The following SLC44A5 variants were observed in gnomAD, a reference collection of about 807,000 sequenced individuals.
SLC44A5 encodes choline transporter-like protein 5.
SLC44A5 carries 57 observed loss-of-function variants against 101.8 expected under a neutral mutation model. That is an observed-to-expected ratio of 0.56 (90% CI 0.45 to 0.70). The LOEUF (loss-of-function observed/expected upper bound fraction) is 0.70, where lower values mean the gene tolerates loss of function less well. Ranked by LOEUF, SLC44A5 falls within the 30% of genes least tolerant of loss-of-function variation. The pLI is 0.00. For missense variants in SLC44A5, 737 were observed against 853.1 expected (o/e 0.86, Z 1.70); for synonymous variants, 281 against 290.9 (o/e 0.97, Z 0.35).
At chr1:75,456,337 T>C (rs115525322) in intron 2 of SLC44A5, among the ~76,000 whole-genome samples, 7 of 152,100 alleles carry the variant, frequency 4.6e-5, no homozygotes, top group South Asian at 4.1e-4. Flanking sequence ...ACAGTCAACA[T>C]TGGGTACTAC....
At chr1:75,577,224 C>T (rs903498598) in intron 1 of SLC44A5, among the ~76,000 whole-genome samples, 1 of 152,230 alleles carries the variant, frequency 6.6e-6, no homozygotes, top group African/African-American at 2.4e-5. Context: ...TCTTCTAACT[C>T]TTGCCCCCAC....
At chr1:75,490,034 A>T (rs1464304002) in intron 2 of SLC44A5, among the ~76,000 whole-genome samples, 1 of 141,384 alleles carries the variant, frequency 7.1e-6, no homozygotes, top group African/African-American at 3.0e-5. Context: ...TGAAGATGTT[A>T]AATTGTAAAA....
chr1:75,543,275 G>A (rs1671451918), intron 1 of SLC44A5, among the ~76,000 whole-genome samples: 1 of 151,944 alleles, frequency 6.6e-6, no homozygotes, highest in Non-Finnish European at 1.5e-5. Context: ...AAAGTCCCAA[G>A]GCACCCCTAG....
chr1:75,319,078 A>C (rs1389549020), intron 4 of SLC44A5, among the ~76,000 whole-genome samples: 1 of 152,184 alleles, frequency 6.6e-6, no homozygotes, highest in Non-Finnish European at 1.5e-5. Flanking sequence ...CCCAATAAAA[A>C]TCTAGCTATG....
chr1:75,616,259 C>T, the SLC44A5 span, among the ~76,000 whole-genome samples: 1 of 152,084 alleles, frequency 6.6e-6, no homozygotes, highest in Non-Finnish European at 1.5e-5. Context: ...GCCCCCACCC[C>T]CGGTGTCCCG....
chr1:75,252,128 A>G (rs1257463669), intron 6 of SLC44A5, among the ~76,000 whole-genome samples: 3 of 152,150 alleles, frequency 2.0e-5, no homozygotes, highest in Admixed American at 1.3e-4. Flanking sequence ...TGAGAGTCCA[A>G]ATGTCTAGAT....
intron 4 of SLC44A5, among the ~76,000 whole-genome samples, chr1:75,301,454 G>A (rs554848550): frequency 6.6e-6 from 1 of 152,154 alleles, no homozygotes; most frequent in Non-Finnish European, 1.5e-5. Flanking sequence ...CAGCAATACT[G>A]TCATTCTTTA....
chr1:75,665,872 C>G, the SLC44A5 span, among the ~76,000 whole-genome samples: 2 of 152,050 alleles, frequency 1.3e-5, no homozygotes, highest in East Asian at 3.9e-4. Flanking sequence ...AAAAAATGCT[C>G]AACATCGCTA....
At chr1:75,507,743 G>C (rs928722643) in intron 2 of SLC44A5, among the ~76,000 whole-genome samples, 1 of 152,102 alleles carries the variant, frequency 6.6e-6, no homozygotes, top group East Asian at 1.9e-4. Context: ...ATATTGGTTT[G>C]TTCAAGGTAT....
the SLC44A5 span, among the ~76,000 whole-genome samples, chr1:75,664,351 A>C: frequency 6.6e-6 from 1 of 152,198 alleles, no homozygotes; most frequent in Non-Finnish European, 1.5e-5. Flanking sequence ...GCATCTAAAT[A>C]GGAAAAGAAA....
intron 2 of SLC44A5, among the ~76,000 whole-genome samples, chr1:75,511,164 A>G (rs1464859611): frequency 6.6e-6 from 1 of 152,174 alleles, no homozygotes; most frequent in Non-Finnish European, 1.5e-5. Flanking sequence ...AAAGAAAAAG[A>G]AAAGAAAAAA....
the SLC44A5 span, among the ~76,000 whole-genome samples, chr1:75,705,298 A>G: frequency 8.1e-4 from 124 of 152,270 alleles, 2 homozygotes; most frequent in African/African-American, 2.9e-3. Context: ...TCAAGTTTAT[A>G]CTATCTTAAT....
chr1:75,229,963 T>C (rs1340594133), intron 12 of SLC44A5, among the ~76,000 whole-genome samples: 1 of 152,200 alleles, frequency 6.6e-6, no homozygotes, highest in Non-Finnish European at 1.5e-5. Context: ...GGTTGATATA[T>C]GTTAGGCCTT....
chr1:75,206,810 T>A, intron 23 of SLC44A5: 1 of 722,844 alleles, frequency 1.4e-6, no homozygotes, highest in Non-Finnish European at 2.3e-6. Flanking sequence ...CAGGGAAAAA[T>A]CAGAAAAATC....
chr1:75,613,521 T>C (rs973110076), upstream of SLC44A5, among the ~76,000 whole-genome samples: 1 of 152,272 alleles, frequency 6.6e-6, no homozygotes, highest in African/African-American at 2.4e-5. Flanking sequence ...GGATTTGTTT[T>C]TAAAGGTGTC....
At chr1:75,517,308 A>AGAGG (rs1669889254) in intron 2 of SLC44A5, among the ~76,000 whole-genome samples, 1 of 152,132 alleles carries the variant, frequency 6.6e-6, no homozygotes, top group African/African-American at 2.4e-5. Context: ...ACACACAGTG[A>AGAGG]GAGGGAGGGA....
intron 10 of SLC44A5, among the ~76,000 whole-genome samples, chr1:75,237,566 T>C (rs893314584): frequency 2.6e-5 from 4 of 152,122 alleles, no homozygotes; most frequent in Non-Finnish European, 4.4e-5. Flanking sequence ...CCCTTCTTCA[T>C]GTGCCCCAAT....
chr1:75,605,960 A>G (rs1264098738), intron 1 of SLC44A5, among the ~76,000 whole-genome samples: 1 of 152,022 alleles, frequency 6.6e-6, no homozygotes, highest in Non-Finnish European at 1.5e-5. Flanking sequence ...GAGGAGGTAC[A>G]TTATAGAATG....
intron 1 of SLC44A5, among the ~76,000 whole-genome samples, chr1:75,606,813 C>G (rs1421783329): frequency 6.6e-6 from 1 of 151,982 alleles, no homozygotes; most frequent in Non-Finnish European, 1.5e-5. Flanking sequence ...CATTTTCCTC[C>G]TTGATACACT....
Sources: gnomAD v4.1 joint callset for allele counts (sites outside exome capture counted in the v4.1 genomes callset) on GRCh38, gnomAD v4.1.1 for gene constraint, MANE v1.5 for transcripts, NCBI Gene and HGNC (gene_info 2026-07-23, HGNC 2026-07-21) for gene names.